Variants in RTRAF observed in about 807,000 individuals in gnomAD.
RTRAF encodes the protein tRNA-splicing ligase complex subunit RTRAF.
In RTRAF, 14 loss-of-function variants were observed where a neutral mutation model predicts 34.4. That is an observed-to-expected ratio of 0.41 (90% CI 0.27 to 0.64). The LOEUF is 0.64. Among genes scored for constraint, RTRAF ranks in the 30% least tolerant of loss-of-function variants. The pLI is 0.34. For missense variants in RTRAF, 291 were observed against 288.4 expected (o/e 1.01, Z -0.06); for synonymous variants, 96 against 95.3 (o/e 1.01, Z -0.04).
At chr14:52,001,728 C>T in intron 5 of RTRAF, 70 bp from the exon 6 acceptor site, 1 of 1,195,400 alleles carries the variant, frequency 8.4e-7, no homozygotes, top group Middle Eastern at 1.9e-4. Context: ...TCCTTATTCT[C>T]TGGGCTCATA....
Position 52,004,575 on chromosome 14 carries a change from G to T in RTRAF, c.*59G>T. On this transcript the variant is annotated 3_prime_UTR_variant, in exon 8 of 8. Transcript: ENST00000261700. ...TACAGTTGGGAACCATACACTTCTG[G>T]CATGTTTGGAAATCAAAATGTCACA... is the stretch of plus-strand genomic sequence containing the variant. 2 of 1,482,616 alleles carry T rather than the reference G, an allele frequency of 1.3e-6. No homozygotes were observed. The highest frequency in any genetic ancestry group is 1.8e-6 in the Non-Finnish European group (2 of 1,104,926). 91.8% of individuals were successfully genotyped at this position (1,482,616 alleles called of 1,614,324 possible).
chr14:52,001,448 G>A (rs1890600943), intron 5 of RTRAF, among the ~76,000 whole-genome samples: 1 of 152,198 alleles, frequency 6.6e-6, no homozygotes, highest in South Asian at 2.1e-4. Context: ...CAGTTTTAGT[G>A]AGGGTAAGGA....
Position 52,005,467 on chromosome 14 carries a change from T to C in RTRAF, c.*951T>C. Reference sequence around the variant, plus strand: ...AGGTTCTGATTGTAAACTCCAAGTCTTCCTTTACATTACTGTACTTACTTT... The same window carrying C: ...AGGTTCTGATTGTAAACTCCAAGTCCTCCTTTACATTACTGTACTTACTTT... On this transcript the variant is annotated 3_prime_UTR_variant, in exon 8 of 8. Transcript: ENST00000261700. 1 of 1,582,824 alleles carries C rather than the reference T, an allele frequency of 6.3e-7. No individual in the cohort carries two copies. The highest frequency in any genetic ancestry group is 8.6e-7 in the Non-Finnish European group (1 of 1,167,880).
At chr14:52,001,584 G>A (rs1287649569) in intron 5 of RTRAF, among the ~76,000 whole-genome samples, 2 of 152,106 alleles carry the variant, frequency 1.3e-5, no homozygotes, top group Non-Finnish European at 2.9e-5. Context: ...TTTAATTGTT[G>A]CAAGCACCAT....
chr14:52,004,587 A>ATCAAAATGTCACATTC lies in RTRAF; in HGVS notation c.*74_*89dup. On this transcript the variant is annotated 3_prime_UTR_variant, in exon 8 of 8. Coordinates refer to ENST00000261700, the MANE Select transcript of RTRAF (RefSeq NM_016039.3). Reference sequence around the variant, plus strand: ...CCATACACTTCTGGCATGTTTGGAAATCAAAATGTCACATTCTCGGGGGAG... The same window carrying ATCAAAATGTCACATTC: ...CCATACACTTCTGGCATGTTTGGAAATCAAAATGTCACATTCTCAAAATGTCACATTCTCGGGGGAG... The ATCAAAATGTCACATTC allele has an allele frequency of 7.0e-7, 1 of 1,429,698 alleles. No homozygotes were observed. Among genetic ancestry groups the ATCAAAATGTCACATTC allele is most frequent in the Non-Finnish European group, 9.4e-7 (1 of 1,065,534 alleles). The allele number at this position is 1,429,698 out of a possible 1,614,324, so 88.6% of individuals were successfully genotyped here.
Position 52,004,649 on chromosome 14 carries a change from C to A in RTRAF, c.*133C>A. The A allele has an allele frequency of 2.6e-6, 2 of 763,212 alleles. No individual in the cohort carries two copies. The highest frequency in any genetic ancestry group is 2.2e-5 in the South Asian group (1 of 44,648). 47.3% of individuals were successfully genotyped at this position (763,212 alleles called of 1,614,324 possible). ...AATTGGGTATGTTCTAGAGATTTAC[C>A]ACCATTGCTTATTGCTTTTTTCTTT... On this transcript the variant is annotated 3_prime_UTR_variant, in exon 8 of 8. Coordinates refer to ENST00000261700, the MANE Select transcript of RTRAF (RefSeq NM_016039.3).
rs535266216 is a variant in RTRAF, at chr14:51,993,514, A to G, written c.187-209A>G. On this transcript the variant is annotated intron_variant, in intron 2 of 7. Coordinates refer to ENST00000261700, the MANE Select transcript of RTRAF (RefSeq NM_016039.3). ...CCTCAGCTTTCTCATCTATAAAATG[A>G]GGAAGTTGTCGTATTCTATTTTTTT... Among the ~76,000 whole-genome samples, 5 of 152,334 alleles carry G rather than the reference A, an allele frequency of 3.3e-5. No individual in the cohort carries two copies. The East Asian group carries it at 9.6e-4, about 29-fold the overall frequency.
rs1034403796 is a variant in RTRAF at position 52,005,566 on chromosome 14, T to C, written c.*1050T>C. ...ATTGTAACCAAGTTGCAACAGCAAG[T>C]CTTTGCATTTTGTGTATAAACTAGG... On this transcript the variant is annotated 3_prime_UTR_variant, in exon 8 of 8. Coordinates refer to ENST00000261700, the MANE Select transcript of RTRAF (RefSeq NM_016039.3). 2 of 1,546,632 alleles carry C rather than the reference T, an allele frequency of 1.3e-6. No individual in the cohort carries two copies. The highest frequency in any genetic ancestry group is 1.8e-6 in the Non-Finnish European group (2 of 1,135,228).
In RTRAF at chr14:52,008,016, G is replaced by GTAGGCAGCATC; in HGVS notation, c.*3503_*3513dup. 1 of 1,502,722 alleles carries GTAGGCAGCATC rather than the reference G, an allele frequency of 6.7e-7. No homozygotes were observed. Among genetic ancestry groups the GTAGGCAGCATC allele is most frequent in the Non-Finnish European group, 9.1e-7 (1 of 1,104,732 alleles). The allele number at this position is 1,502,722 out of a possible 1,614,324, so 93.1% of individuals were successfully genotyped here. A position where few individuals can be genotyped will look rare whatever the true frequency, so the allele number is the denominator to read the frequency against. On this transcript the variant is annotated 3_prime_UTR_variant, in exon 8 of 8. Transcript: ENST00000261700. ...TAAAAGAATAGCCATGTAGCCTGTG[G>GTAGGCAGCATC]TAGGCAGCATCTAAGCAGCCCCCAG...
chr14:51,997,330 T>C (rs1207340753), intron 3 of RTRAF, among the ~76,000 whole-genome samples: 2 of 151,996 alleles, frequency 1.3e-5, no homozygotes, highest in East Asian at 1.9e-4. Flanking sequence ...GGCTTTCTCT[T>C]GTAAGTTTTC....
At chr14:51,994,369 A>G (rs775954627) in intron 3 of RTRAF, among the ~76,000 whole-genome samples, 2 of 152,222 alleles carry the variant, frequency 1.3e-5, no homozygotes, top group African/African-American at 2.4e-5. Flanking sequence ...TCTAAATGCA[A>G]GATTTGATTA....
chr14:52,002,859 T>TGAAA (rs1324077433), intron 6 of RTRAF, among the ~76,000 whole-genome samples: 1 of 152,252 alleles, frequency 6.6e-6, no homozygotes, highest in East Asian at 1.9e-4. Context: ...GCAGTATCTC[T>TGAAA]GAAAGACACT....
rs201989906 is a variant in RTRAF, at chr14:52,005,771, G to T, written c.*1255G>T. On this transcript the variant is annotated 3_prime_UTR_variant, in exon 8 of 8. Transcript: ENST00000261700. The stretch of plus-strand genomic sequence containing the variant: ...AGTAGGGGTAGACTGCAGTTATCCC[G>T]TAGAGGTGAGATCGTTGTTCTGGGA... 1 of 1,613,672 alleles carries T rather than the reference G, an allele frequency of 6.2e-7. No homozygotes were observed. Among genetic ancestry groups the T allele is most frequent in the African/African-American group, 1.3e-5 (1 of 74,892 alleles).
chr14:51,999,990 T>G, intron 5 of RTRAF, 194 bp downstream of exon 5: 2 of 458,418 alleles, frequency 4.4e-6, no homozygotes, highest in Non-Finnish European at 3.9e-6. Flanking sequence ...GCTAAATCCT[T>G]TGCAAAGATG....
chr14:52,004,593 A>ATGTCACATTC lies in RTRAF; in HGVS notation c.*79_*88dup. ...ACTTCTGGCATGTTTGGAAATCAAA[A>ATGTCACATTC]TGTCACATTCTCGGGGGAGGAAGCC... On this transcript the variant is annotated 3_prime_UTR_variant, in exon 8 of 8. Coordinates refer to ENST00000261700, the MANE Select transcript of RTRAF (RefSeq NM_016039.3). 2.9e-6 allele frequency: 4 copies of ATGTCACATTC among 1,400,896 alleles called. No homozygotes were observed. The highest frequency in any genetic ancestry group is 3.8e-6 in the Non-Finnish European group (4 of 1,042,690). 86.8% of individuals were successfully genotyped at this position (1,400,896 alleles called of 1,614,324 possible). A position where few individuals can be genotyped will look rare whatever the true frequency, so the allele number is the denominator to read the frequency against.
In RTRAF at chr14:52,008,491, C is replaced by A. The variant is rs968062923; in HGVS notation, c.*3975C>A. ...CAGAAACTGTGAGACTAAATGTTAT[C>A]TTACACTGCTGAGGGTTTGGGCAAT... On this transcript the variant is annotated 3_prime_UTR_variant, in exon 8 of 8. Coordinates refer to ENST00000261700, the MANE Select transcript of RTRAF (RefSeq NM_016039.3). 6.6e-6 allele frequency: 1 copy of A among 152,554 alleles called. No homozygotes were observed. 9.5% of individuals were successfully genotyped at this position (152,554 alleles called of 1,614,324 possible). A position where few individuals can be genotyped will look rare whatever the true frequency, so the allele number is the denominator to read the frequency against.
rs946740718 is a variant in RTRAF at position 52,005,944 on chromosome 14, T to A, written c.*1428T>A. ...AAAATCAGTTGCAATAGAGGAAAAT[T>A]TCTGGCAGCCTTCTCTGTCCCAGGG... On this transcript the variant is annotated 3_prime_UTR_variant, in exon 8 of 8. Transcript: ENST00000261700. 7 of 885,054 alleles carry A rather than the reference T, an allele frequency of 7.9e-6. No individual in the cohort carries two copies. In the African/African-American group the frequency reaches 1.1e-4, roughly 14 times the overall value. 54.8% of individuals were successfully genotyped at this position (885,054 alleles called of 1,614,324 possible).
intron 1 of RTRAF, among the ~76,000 whole-genome samples, chr14:51,990,617 AG>A (rs1444507921): frequency 2.6e-5 from 4 of 152,234 alleles, no homozygotes; most frequent in African/African-American, 9.6e-5. Flanking sequence ...TTAACAAAAA[AG>A]TATCAGTGAC....
At position 52,004,586 on chromosome 14, in the gene RTRAF, A is replaced by AATCAAAATGTCAC. The variant is rs1890680971; in HGVS notation, c.*73_*85dup. ...ACCATACACTTCTGGCATGTTTGGA[A>AATCAAAATGTCAC]ATCAAAATGTCACATTCTCGGGGGA... is the stretch of plus-strand genomic sequence containing the variant. On this transcript the variant is annotated 3_prime_UTR_variant, in exon 8 of 8. Transcript: ENST00000261700. 7.0e-7 allele frequency: 1 copy of AATCAAAATGTCAC among 1,433,288 alleles called. No homozygotes were observed. The highest frequency in any genetic ancestry group is 9.4e-7 in the Non-Finnish European group (1 of 1,067,938). The allele number at this position is 1,433,288 out of a possible 1,614,324, so 88.8% of individuals were successfully genotyped here.
Sources: allele counts gnomAD v4.1 joint callset (sites outside exome capture counted in the v4.1 genomes callset), GRCh38; gene constraint gnomAD v4.1.1; transcripts MANE v1.5; gene names NCBI Gene and HGNC (gene_info 2026-07-23, HGNC 2026-07-21).